Variants in NELL2 observed in about 807,000 individuals in gnomAD.
The protein encoded by NELL2 is neural EGFL like 2.
A neutral mutation model predicts 109.6 loss-of-function variants in NELL2; 41 were observed. The ratio of observed to expected loss-of-function variants is 0.37; its 90% CI spans 0.29 to 0.49. NELL2 has a LOEUF of 0.49. Ranked by LOEUF, NELL2 falls within the 20% of genes least tolerant of loss-of-function variation. The pLI is 0.98. For synonymous variants in NELL2, 355 were observed against 344.7 expected, an observed-to-expected ratio of 1.03 and a Z score of -0.33; for missense variants, 900 against 1,008.3, an observed-to-expected ratio of 0.89 and a Z score of 1.45.
chr12:44,560,198 A>T (rs1400676820), intron 15 of NELL2, among the ~76,000 whole-genome samples: 1 of 152,232 alleles, frequency 6.6e-6, no homozygotes, highest in Non-Finnish European at 1.5e-5. Context: ...GGAAATTTAT[A>T]GCACTAAATG....
intron 13 of NELL2, among the ~76,000 whole-genome samples, chr12:44,638,478 T>C (rs1268793781): frequency 6.6e-6 from 1 of 152,138 alleles, no homozygotes; most frequent in Non-Finnish European, 1.5e-5. Flanking sequence ...CAACACATAA[T>C]TTCAAGTGGG....
intron 3 of NELL2, among the ~76,000 whole-genome samples, chr12:44,781,976 T>G (rs767657560): frequency 6.6e-6 from 1 of 151,912 alleles, no homozygotes; most frequent in African/African-American, 2.4e-5. Context: ...GAACATAGTA[T>G]GTAAAAAAGA....
At position 44,827,749 on chromosome 12, in the gene NELL2, T is replaced by C. The variant is rs372599317; in HGVS notation, c.185-11613A>G. Among the ~76,000 whole-genome samples the C allele has an allele frequency of 4.6e-5, 7 of 152,328 alleles. No individual in the cohort carries two copies. In the East Asian group the frequency reaches 1.3e-3, roughly 29 times the overall value. On this transcript the variant is annotated intron_variant, in intron 2 of 19. Coordinates refer to ENST00000429094, the MANE Select transcript of NELL2 (RefSeq NM_001145108.2). ...TTTGGTTGCTTTCAAATCTTGGCTA[T>C]TGTGACTAGTGCTGCAATAAATATG...
chr12:44,777,922 C>T (rs1941815087), intron 5 of NELL2, among the ~76,000 whole-genome samples: 1 of 152,078 alleles, frequency 6.6e-6, no homozygotes, highest in South Asian at 2.1e-4. Context: ...ACCTGTTTTA[C>T]ATAGAAAATT....
At chr12:44,711,138 C>T (rs576017313) in intron 11 of NELL2, among the ~76,000 whole-genome samples, 154 bp downstream of exon 11, 2 of 152,052 alleles carry the variant, frequency 1.3e-5, no homozygotes, top group Non-Finnish European at 2.9e-5. Flanking sequence ...TGACTACCTA[C>T]TGTGCTACTC....
intron 2 of NELL2, among the ~76,000 whole-genome samples, chr12:44,866,962 AACAG>A (rs1394879491): frequency 3.9e-5 from 6 of 152,146 alleles, no homozygotes; most frequent in Non-Finnish European, 8.8e-5. Flanking sequence ...GAAAAATCTG[AACAG>A]ACAAATAACT....
intron 13 of NELL2, among the ~76,000 whole-genome samples, chr12:44,654,036 C>A (rs1947399013): frequency 6.6e-6 from 1 of 152,160 alleles, no homozygotes; most frequent in Non-Finnish European, 1.5e-5. Flanking sequence ...ACCTCAATTT[C>A]AATGTCACTT....
intron 16 of NELL2, among the ~76,000 whole-genome samples, chr12:44,528,395 C>T (rs896906072): frequency 6.6e-6 from 1 of 152,060 alleles, no homozygotes; most frequent in African/African-American, 2.4e-5. Context: ...CTGGGCTGAA[C>T]ACTCGTGAAT....
intron 9 of NELL2, among the ~76,000 whole-genome samples, chr12:44,757,951 G>A: frequency 6.6e-6 from 1 of 151,896 alleles, no homozygotes; most frequent in East Asian, 1.9e-4. Flanking sequence ...AAAGCAGAAG[G>A]GATATGGGGA....
At chr12:44,736,072 G>A (rs534492958) in intron 9 of NELL2, among the ~76,000 whole-genome samples, 10 of 141,934 alleles carry the variant, frequency 7.0e-5, no homozygotes, top group Admixed American at 2.2e-4. Context: ...GCGCAGTGGC[G>A]CGATCTTGAC....
chr12:44,664,740 A>G (rs978994538), intron 13 of NELL2, among the ~76,000 whole-genome samples: 5 of 152,088 alleles, frequency 3.3e-5, no homozygotes, highest in Non-Finnish European at 5.9e-5. Flanking sequence ...TGTTTCTTCT[A>G]TTTAAAAATA....
chr12:44,725,367 G>T (rs1178596156), intron 9 of NELL2, among the ~76,000 whole-genome samples: 1 of 152,020 alleles, frequency 6.6e-6, no homozygotes, highest in African/African-American at 2.4e-5. Context: ...TGCTGGCAAG[G>T]TTGCAGAGAA....
At chr12:44,676,244 A>G (rs1266410191) in intron 12 of NELL2, among the ~76,000 whole-genome samples, 2 of 152,122 alleles carry the variant, frequency 1.3e-5, no homozygotes, top group Non-Finnish European at 2.9e-5. Context: ...TAATTCACAA[A>G]CTAGGATAAA....
intron 13 of NELL2, among the ~76,000 whole-genome samples, chr12:44,649,310 C>T (rs978540): frequency 0.64 from 96,384 of 151,536 alleles, 32,723 homozygotes; most frequent in African/African-American, 0.9. Flanking sequence ...TCACCCACTG[C>T]GTGATTCCAG....
At chr12:44,856,725 G>GGTGGGA (rs1273714592) in intron 2 of NELL2, among the ~76,000 whole-genome samples, 2 of 152,160 alleles carry the variant, frequency 1.3e-5, no homozygotes, top group African/African-American at 4.8e-5. Flanking sequence ...AAAGTAAAAG[G>GGTGGGA]GTGGGAGTGG....
Position 44,791,096 on chromosome 12 carries a change from T to TACAC in NELL2, c.336-11075_336-11074insGTGT, listed in dbSNP as rs1491151191. On this transcript the variant is annotated intron_variant, in intron 3 of 19. Transcript: ENST00000429094. ...ATATATATATACATATATATATATA[T>TACAC]GTATATATATATGTATATATATATG... Among the ~76,000 whole-genome samples the TACAC allele has an allele frequency of 1.3e-4, 3 of 23,852 alleles. 1 individual carries two copies. The highest frequency in any genetic ancestry group is 1.6e-4 in the Non-Finnish European group (2 of 12,220). The allele number at this position is 23,852 out of a possible 152,430, so 15.6% of individuals were successfully genotyped here.
intron 3 of NELL2, 132 bp downstream of exon 3, chr12:44,815,854 T>C: frequency 2.1e-6 from 2 of 944,204 alleles, no homozygotes; most frequent in Non-Finnish European, 3.0e-6. Flanking sequence ...CCTGACCTCG[T>C]GATTTGCCCA....
rs554945742 is a variant in NELL2 at position 44,784,075 on chromosome 12, T to C, written c.336-4053A>G. Among the ~76,000 whole-genome samples the C allele has an allele frequency of 1.2e-4, 18 of 152,276 alleles. No homozygotes were observed. The South Asian group carries it at 3.3e-3, about 28-fold the overall frequency. ...AAGGAATGAAAATTATTTTATCATA[T>C]TGACTTATGCAGAAAAAGCATTTGA... On this transcript the variant is annotated intron_variant, in intron 3 of 19. Transcript: ENST00000429094.
intron 12 of NELL2, among the ~76,000 whole-genome samples, chr12:44,685,015 A>T (rs7303685): frequency 4.6e-5 from 7 of 151,336 alleles, no homozygotes; most frequent in Non-Finnish European, 1.0e-4. Context: ...GTTGACAGTG[A>T]GGTGTTAAAG....
Sources: gnomAD v4.1 joint callset for allele counts (sites outside exome capture counted in the v4.1 genomes callset) on GRCh38, gnomAD v4.1.1 for gene constraint, MANE v1.5 for transcripts, NCBI Gene and HGNC (gene_info 2026-07-23, HGNC 2026-07-21) for gene names.